The following LRMDA variants were observed in gnomAD, a reference collection of about 807,000 sequenced individuals.
LRMDA encodes leucine rich melanocyte differentiation associated.
LRMDA carries 18 observed loss-of-function variants against 29.8 expected under a neutral mutation model. That is an observed-to-expected ratio of 0.60 (90% CI 0.42 to 0.90). The LOEUF (loss-of-function observed/expected upper bound fraction) is 0.90, where lower values mean the gene tolerates loss of function less well. Among genes scored for constraint, LRMDA ranks in the 40% least tolerant of loss-of-function variants. LRMDA has a pLI of 0.00. For synonymous variants in LRMDA, 125 were observed against 109.4 expected, an observed-to-expected ratio of 1.14 and a Z score of -0.89; for missense variants, 273 against 273.9, an observed-to-expected ratio of 1.00 and a Z score of 0.02.
intron 6 of LRMDA, among the ~76,000 whole-genome samples, chr10:76,443,532 G>C (rs1483424778): frequency 6.6e-6 from 1 of 152,194 alleles, no homozygotes; most frequent in Non-Finnish European, 1.5e-5. Context: ...AGTAGCTAGT[G>C]TTATATTGAG....
At chr10:76,415,017 G>C (rs567881978) in intron 6 of LRMDA, among the ~76,000 whole-genome samples, 2 of 152,374 alleles carry the variant, frequency 1.3e-5, no homozygotes, top group South Asian at 4.1e-4. Context: ...AAGACATGTG[G>C]CATCCGCCAC....
Position 76,473,091 on chromosome 10 carries a change from G to A in LRMDA, c.602-84118G>A, listed in dbSNP as rs112139182. On this transcript the variant is annotated intron_variant, in intron 6 of 6. Transcript: ENST00000611255. Reference sequence around the variant, plus strand: ...ATAAGAAAGAAAAATATGATATTTCGTGAAATGAAAAATCCTTAACAAATT... The same window carrying A: ...ATAAGAAAGAAAAATATGATATTTCATGAAATGAAAAATCCTTAACAAATT... 5.6e-3 allele frequency among the ~76,000 whole-genome samples: 846 copies of A among 151,480 alleles called. 9 individuals are homozygous for A. The highest frequency in any genetic ancestry group is 0.037 in the Middle Eastern group (11 of 294).
intron 5 of LRMDA, among the ~76,000 whole-genome samples, chr10:76,252,246 A>G (rs1039591897): frequency 6.6e-6 from 1 of 152,188 alleles, no homozygotes. Context: ...CCTGGAGCCT[A>G]GTTTATAAAG....
intron 6 of LRMDA, among the ~76,000 whole-genome samples, chr10:76,416,729 A>G (rs982232706): frequency 3.9e-5 from 6 of 152,206 alleles, no homozygotes; most frequent in Admixed American, 3.3e-4. Flanking sequence ...TCGTAATAAT[A>G]TCACTGCCTT....
In LRMDA at chr10:76,324,464, A is replaced by T. The variant is rs1840809825; in HGVS notation, c.580A>T (p.Arg194Trp). The T allele has an allele frequency of 6.2e-7, 1 of 1,613,908 alleles. No homozygotes were observed. Among genetic ancestry groups the T allele is most frequent in the African/African-American group, 1.3e-5 (1 of 74,872 alleles). ...RHYTPLPSAS[R>W]ELTSHQGVLG... Reference sequence around the variant, plus strand: ...CTACACGCCCTTGCCTTCTGCTTCCAGGGAACTCACCAGTCACCAAGGTTG... The same window carrying T: ...CTACACGCCCTTGCCTTCTGCTTCCTGGGAACTCACCAGTCACCAAGGTTG... The change falls in exon 6 of 7, where the codon AGG becomes TGG. Residue 194 changes from arginine to tryptophan, a missense_variant. Arg to Trp is a moderately radical substitution (Grantham distance 101). Coordinates refer to ENST00000611255, the MANE Select transcript of LRMDA (RefSeq NM_001305581.2).
At chr10:76,153,340 T>C (rs1320762946) in intron 5 of LRMDA, among the ~76,000 whole-genome samples, 2 of 152,262 alleles carry the variant, frequency 1.3e-5, no homozygotes, top group Non-Finnish European at 2.9e-5. Context: ...ATGTATTTAT[T>C]GTTTTCTTTG....
intron 2 of LRMDA, among the ~76,000 whole-genome samples, chr10:75,847,058 A>G (rs1263041187): frequency 6.6e-6 from 1 of 152,218 alleles, no homozygotes; most frequent in African/African-American, 2.4e-5. Context: ...AACAATCTTG[A>G]AAAAGAAGAA....
chr10:76,208,427 T>G (rs981111589), intron 5 of LRMDA, among the ~76,000 whole-genome samples: 1 of 152,134 alleles, frequency 6.6e-6, no homozygotes, highest in Non-Finnish European at 1.5e-5. Flanking sequence ...TATTTTGGGA[T>G]AAAAACTATG....
chr10:75,580,896 T>C (rs1040827602), intron 2 of LRMDA, among the ~76,000 whole-genome samples: 4 of 152,212 alleles, frequency 2.6e-5, no homozygotes, highest in Admixed American at 1.3e-4. Flanking sequence ...ATCTCTTCCT[T>C]ACACTTTATA....
intron 5 of LRMDA, among the ~76,000 whole-genome samples, chr10:76,235,388 T>C (rs1189250084): frequency 1.3e-5 from 2 of 152,098 alleles, no homozygotes; most frequent in African/African-American, 2.4e-5. Flanking sequence ...ATTACCAAAA[T>C]GTAACCCAGA....
At chr10:76,391,341 T>G (rs1294317280) in intron 6 of LRMDA, among the ~76,000 whole-genome samples, 3 of 152,232 alleles carry the variant, frequency 2.0e-5, no homozygotes, top group Non-Finnish European at 4.4e-5. Flanking sequence ...GCCTACAATG[T>G]TACCAGAAGC....
At chr10:76,091,100 C>T (rs749834722) in intron 5 of LRMDA, among the ~76,000 whole-genome samples, 1 of 152,184 alleles carries the variant, frequency 6.6e-6, no homozygotes, top group Non-Finnish European at 1.5e-5. Flanking sequence ...TGCTGTATGA[C>T]TTTGAACAAA....
chr10:75,793,081 A>G, intron 2 of LRMDA, among the ~76,000 whole-genome samples: 1 of 152,218 alleles, frequency 6.6e-6, no homozygotes, highest in East Asian at 1.9e-4. Flanking sequence ...CACACAGGGA[A>G]AACCACAGGA....
chr10:76,407,117 G>A lies in LRMDA; in HGVS notation c.601+82632G>A, dbSNP rs578016008. ...TGTAGGGCTGTGGACTAGGTGTTACGCAGAGATGTGGCAGCTGAAGGGTGC... is the reference window on the plus strand; with the variant it reads ...TGTAGGGCTGTGGACTAGGTGTTACACAGAGATGTGGCAGCTGAAGGGTGC... On this transcript the variant is annotated intron_variant, in intron 6 of 6. Coordinates refer to ENST00000611255, the MANE Select transcript of LRMDA (RefSeq NM_001305581.2). Among the ~76,000 whole-genome samples the A allele has an allele frequency of 9.2e-5, 14 of 152,274 alleles. 1 individual carries two copies. The South Asian group carries it at 1.0e-3, about 11-fold the overall frequency.
intron 6 of LRMDA, among the ~76,000 whole-genome samples, chr10:76,529,359 G>A (rs1286363925): frequency 1.3e-5 from 2 of 152,110 alleles, no homozygotes; most frequent in Non-Finnish European, 2.9e-5. Flanking sequence ...CTCACTAAAT[G>A]CTATTAATAG....
chr10:75,741,624 A>G (rs1842830749), intron 2 of LRMDA, among the ~76,000 whole-genome samples: 1 of 152,128 alleles, frequency 6.6e-6, no homozygotes, highest in South Asian at 2.1e-4. Context: ...CCACAAGGGT[A>G]TTTGGTGTGA....
chr10:76,106,149 C>A (rs751225911), intron 5 of LRMDA, among the ~76,000 whole-genome samples: 3 of 152,202 alleles, frequency 2.0e-5, no homozygotes, highest in African/African-American at 7.2e-5. Context: ...AATGAGTCCA[C>A]GCAAGCCTTG....
At chr10:76,514,801 G>T (rs1174609630) in intron 6 of LRMDA, among the ~76,000 whole-genome samples, 1 of 152,110 alleles carries the variant, frequency 6.6e-6, no homozygotes, top group East Asian at 1.9e-4. Context: ...TAATGCCATT[G>T]TAGCATGCTG....
At chr10:75,778,304 C>G (rs190153652) in intron 2 of LRMDA, among the ~76,000 whole-genome samples, 13 of 152,272 alleles carry the variant, frequency 8.5e-5, no homozygotes, top group Middle Eastern at 3.4e-3. Context: ...TCTCGAACTC[C>G]TGGCCTCAAG....
Sources: allele counts gnomAD v4.1 joint callset (sites outside exome capture counted in the v4.1 genomes callset), GRCh38; gene constraint gnomAD v4.1.1; transcripts MANE v1.5; gene names NCBI Gene and HGNC (gene_info 2026-07-23, HGNC 2026-07-21).